ADISSP: variants seen among roughly 807,000 people sequenced by gnomAD.
The protein encoded by ADISSP is adipose-secreted signaling protein.
chr20:3,767,738 C>T, the ADISSP span: 2 of 154,044 alleles, frequency 1.3e-5, no homozygotes, highest in African/African-American at 2.4e-5. Flanking sequence ...AGCTCAACGC[C>T]GAGCACGAGG....
chr20:3,753,862 G>A, the ADISSP span: 5 of 605,178 alleles, frequency 8.3e-6, no homozygotes, highest in Non-Finnish European at 1.2e-5. Flanking sequence ...ACAGAGAGGA[G>A]GAAGTGGGAG....
the ADISSP span, chr20:3,754,240 C>T: frequency 6.7e-7 from 1 of 1,483,150 alleles, no homozygotes; most frequent in Non-Finnish European, 9.4e-7. Flanking sequence ...CTCCCCTTCC[C>T]TCAGGGATCA....
At chr20:3,762,408 G>T in the ADISSP span, among the ~76,000 whole-genome samples, 1 of 152,034 alleles carries the variant, frequency 6.6e-6, no homozygotes, top group East Asian at 1.9e-4. Flanking sequence ...TTTGAGACAG[G>T]GTCTCACTCT....
chr20:3,768,030 T>G, the ADISSP span: 1 of 152,160 alleles, frequency 6.6e-6, no homozygotes, highest in Non-Finnish European at 1.5e-5. Context: ...GGGCCTCGGA[T>G]AGGCCCCGCC....
chr20:3,764,959 C>G, the ADISSP span, among the ~76,000 whole-genome samples: 2 of 152,246 alleles, frequency 1.3e-5, no homozygotes, highest in Non-Finnish European at 2.9e-5. Flanking sequence ...AGCTGGTTAC[C>G]TGTCCATGCC....
chr20:3,757,512 C>T, the ADISSP span, among the ~76,000 whole-genome samples: 1 of 152,124 alleles, frequency 6.6e-6, no homozygotes, highest in Admixed American at 6.5e-5. Context: ...GGGGAGAGAG[C>T]TATTTTTAAG....
the ADISSP span, among the ~76,000 whole-genome samples, chr20:3,765,939 C>T: frequency 1.3e-5 from 2 of 152,288 alleles, no homozygotes; most frequent in Admixed American, 1.3e-4. Context: ...CAGCAAGCTT[C>T]CAGGCCCCAG....
the ADISSP span, chr20:3,755,614 CAGGAG>C: frequency 6.3e-7 from 1 of 1,590,968 alleles, no homozygotes; most frequent in Non-Finnish European, 8.6e-7. Context: ...CAACCTACAG[CAGGAG>C]AGGTGAGGGA....
At chr20:3,757,167 A>G in the ADISSP span, among the ~76,000 whole-genome samples, 4 of 152,084 alleles carry the variant, frequency 2.6e-5, no homozygotes, top group Admixed American at 2.0e-4. Flanking sequence ...TGGCCAACAG[A>G]GTGAAACCCC....
At chr20:3,756,599 T>C in the ADISSP span, among the ~76,000 whole-genome samples, 13 of 152,152 alleles carry the variant, frequency 8.5e-5, no homozygotes, top group Non-Finnish European at 1.5e-4. Context: ...CAGGTTGATA[T>C]TGCTACATGA....
chr20:3,754,462 A>G, the ADISSP span: 1 of 1,614,076 alleles, frequency 6.2e-7, no homozygotes, highest in Non-Finnish European at 8.5e-7. Context: ...GGCTAGCAGT[A>G]TCTCCTCTTT....
At chr20:3,768,012 G>A in the ADISSP span, 4 of 152,372 alleles carry the variant, frequency 2.6e-5, no homozygotes, top group East Asian at 1.9e-4. Context: ...CTCGAAGAGG[G>A]AGAAGGAGGG....
chr20:3,753,990 C>G, the ADISSP span: 25 of 1,231,894 alleles, frequency 2.0e-5, no homozygotes, highest in Non-Finnish European at 2.8e-5. Context: ...CACACCATCA[C>G]GCAGCATGTC....
chr20:3,755,804 T>TC, the ADISSP span, among the ~76,000 whole-genome samples: 1 of 151,846 alleles, frequency 6.6e-6, no homozygotes, highest in Admixed American at 6.6e-5. Context: ...CCCTTGAGGG[T>TC]CCCAGCCCTA....
At chr20:3,757,926 C>T in the ADISSP span, among the ~76,000 whole-genome samples, 1 of 152,066 alleles carries the variant, frequency 6.6e-6, no homozygotes, top group East Asian at 1.9e-4. Context: ...CCCAAGGGCA[C>T]TCCTGTTCAA....
chr20:3,757,889 C>T, the ADISSP span, among the ~76,000 whole-genome samples: 1 of 152,048 alleles, frequency 6.6e-6, no homozygotes, highest in African/African-American at 2.4e-5. Flanking sequence ...CACTCAGGGC[C>T]ATCTCAATGG....
the ADISSP span, among the ~76,000 whole-genome samples, chr20:3,757,608 A>C: frequency 1.3e-5 from 2 of 152,116 alleles, no homozygotes; most frequent in Admixed American, 6.5e-5. Context: ...AGAAATGGAT[A>C]CAAACCTGGG....
chr20:3,753,946 C>G, the ADISSP span: 1 of 807,548 alleles, frequency 1.2e-6, no homozygotes, highest in Non-Finnish European at 2.0e-6. Context: ...GGCCACTCCA[C>G]CCCCACACCC....
the ADISSP span, chr20:3,755,314 G>A: frequency 4.5e-6 from 3 of 662,826 alleles, no homozygotes; most frequent in Non-Finnish European, 5.3e-6. Context: ...AAGGCCTGGA[G>A]TGTGGGACCT....
Sources: gnomAD v4.1 joint callset for allele counts (sites outside exome capture counted in the v4.1 genomes callset) on GRCh38, gnomAD v4.1.1 for gene constraint, MANE v1.5 for transcripts, NCBI Gene and HGNC (gene_info 2026-07-23, HGNC 2026-07-21) for gene names.